Variants in SEC31A observed in about 807,000 individuals in gnomAD.
SEC31A encodes the protein SEC31 homolog A, COPII component.
In SEC31A, 70 loss-of-function variants were observed where a neutral mutation model predicts 151.0. The observed-to-expected ratio is 0.46, with a 90% CI of 0.38 to 0.57. SEC31A has a LOEUF of 0.57. Among genes scored for constraint, SEC31A ranks in the 20% least tolerant of loss-of-function variants. The pLI, the probability that SEC31A is intolerant of heterozygous loss-of-function variation, is 0.00. For synonymous variants in SEC31A, 475 were observed against 505.9 expected (o/e 0.94, Z 0.82); for missense variants, 1,330 against 1,471.2 (o/e 0.90, Z 1.57).
At chr4:82,883,044 C>T (rs1266982995) in intron 1 of SEC31A, among the ~76,000 whole-genome samples, 1 of 152,110 alleles carries the variant, frequency 6.6e-6, no homozygotes, top group African/African-American at 2.4e-5. Context: ...CACTTGAACC[C>T]AGGTGGTGAA....
intron 8 of SEC31A, among the ~76,000 whole-genome samples, chr4:82,869,207 C>T (rs191175553): frequency 1.4e-3 from 207 of 152,130 alleles, no homozygotes; most frequent in Admixed American, 2.9e-3. Flanking sequence ...GCAAGCTCCG[C>T]CTCCCAGGTT....
intron 2 of SEC31A, among the ~76,000 whole-genome samples, chr4:82,881,427 T>C (rs1739283417): frequency 6.6e-6 from 1 of 151,824 alleles, no homozygotes; most frequent in Admixed American, 6.6e-5. Context: ...ATCACGCCAC[T>C]GCATTCCAGG....
intron 21 of SEC31A, among the ~76,000 whole-genome samples, chr4:82,843,528 T>G (rs1729379055): frequency 1.3e-5 from 2 of 152,200 alleles, no homozygotes; most frequent in South Asian, 4.1e-4. Flanking sequence ...CTAGTAAAAG[T>G]GGATCTGTTT....
intron 7 of SEC31A, 105 bp from the exon 8 acceptor site, chr4:82,870,529 C>T: frequency 1.1e-6 from 1 of 892,928 alleles, no homozygotes; most frequent in Non-Finnish European, 1.8e-6. Context: ...AACAGAAATA[C>T]AATTAAATGC....
intron 4 of SEC31A, among the ~76,000 whole-genome samples, chr4:82,876,325 G>A (rs527680015): frequency 6.6e-6 from 1 of 152,156 alleles, no homozygotes; most frequent in East Asian, 1.9e-4. Flanking sequence ...GGTCAGGCTG[G>A]TCTCAAACTC....
chr4:82,898,256 G>C (rs917661365), intron 3 of SEC31A, among the ~76,000 whole-genome samples: 1 of 152,012 alleles, frequency 6.6e-6, no homozygotes, highest in Non-Finnish European at 1.5e-5. Flanking sequence ...ATAACCAAAT[G>C]ATCAGATTGA....
intron 6 of SEC31A, among the ~76,000 whole-genome samples, chr4:82,873,957 C>G (rs1366960330): frequency 1.3e-5 from 2 of 152,078 alleles, no homozygotes; most frequent in African/African-American, 2.4e-5. Context: ...ATGAAGCTTC[C>G]AGCAGGAAAA....
At chr4:82,863,431 C>G in intron 11 of SEC31A, 39 bp from the exon 12 acceptor site, 1 of 1,174,414 alleles carries the variant, frequency 8.5e-7, no homozygotes, top group Non-Finnish European at 1.2e-6. Flanking sequence ...CAAAGACCTA[C>G]ATTTAAAGGC....
Position 82,874,636 on chromosome 4 carries a change from A to ATGAT in SEC31A, c.610_613dup (p.Ile205AsnfsTer6). On this transcript the variant is annotated frameshift_variant, in exon 6 of 27. Coordinates refer to ENST00000395310, the MANE Select transcript of SEC31A (RefSeq NM_001077207.4). LOFTEE classifies it high-confidence loss of function. ...TCTGTTACTATGGTCACTGACTTTG[A>ATGAT]TGATTGGCTCATTTTTTCTAAGATC... 1.2e-6 allele frequency: 2 copies of ATGAT among 1,610,152 alleles called. No individual in the cohort carries two copies. Among genetic ancestry groups the ATGAT allele is most frequent in the Non-Finnish European group, 1.7e-6 (2 of 1,179,368 alleles).
At chr4:82,894,134 A>G (rs1719956040), upstream of SEC31A, 1 of 152,236 alleles carries the variant, frequency 6.6e-6, no homozygotes, top group African/African-American at 2.4e-5. Flanking sequence ...CACTCCCATG[A>G]TAAGCACGTT....
At chr4:82,890,797 T>G in intron 1 of SEC31A, 1 of 1,285,664 alleles carries the variant, frequency 7.8e-7, no homozygotes. Flanking sequence ...CAAACTCCAG[T>G]TACCAGCCCG....
chr4:82,876,151 C>G (rs1737901979), intron 4 of SEC31A, among the ~76,000 whole-genome samples: 1 of 140,946 alleles, frequency 7.1e-6, no homozygotes, highest in African/African-American at 2.7e-5. Context: ...GCTCTTGTTG[C>G]CCAGGCTGGA....
intron 22 of SEC31A, among the ~76,000 whole-genome samples, chr4:82,839,722 C>T (rs1728301958): frequency 1.3e-5 from 2 of 152,204 alleles, no homozygotes; most frequent in Admixed American, 1.3e-4. Context: ...ATATAGCACA[C>T]TACTAACGTG....
At position 82,819,185 on chromosome 4, in the gene SEC31A, T is replaced by G; in HGVS notation, c.3552A>C (p.Glu1184Asp). ...CTATGTGGGTATGCATGGTCAATCC[T>G]TCTGAGTAGTTTCGAGTTTCAATGC... ...ARSIETRNYS[E>D]GLTMHTHIVS... The change falls in exon 27 of 27, where the codon GAA becomes GAC. Residue 1184 changes from glutamate to aspartate, a missense_variant. Physicochemically the swap from Glu to Asp is conservative, Grantham distance 45. Coordinates refer to ENST00000395310, the MANE Select transcript of SEC31A (RefSeq NM_001077207.4). The G allele has an allele frequency of 3.1e-6, 5 of 1,612,428 alleles. No individual in the cohort carries two copies. The highest frequency in any genetic ancestry group is 4.2e-6 in the Non-Finnish European group (5 of 1,179,188).
chr4:82,868,949 G>A (rs1460586823), intron 8 of SEC31A, among the ~76,000 whole-genome samples: 1 of 152,116 alleles, frequency 6.6e-6, no homozygotes, highest in African/African-American at 2.4e-5. Flanking sequence ...ACCACAAGTG[G>A]CCCACGTGAC....
intron 21 of SEC31A, 81 bp downstream of exon 21, chr4:82,844,305 T>G: frequency 7.0e-7 from 1 of 1,427,808 alleles, no homozygotes; most frequent in African/African-American, 1.4e-5. Context: ...GATTTGACAA[T>G]GACTTTGGGG....
chr4:82,838,014 C>G (rs190633995), intron 22 of SEC31A, among the ~76,000 whole-genome samples: 122 of 152,276 alleles, frequency 8.0e-4, no homozygotes, highest in Non-Finnish European at 1.4e-3. Context: ...TAGCATGTCA[C>G]AGGTTTAAAA....
At chr4:82,838,527 G>A (rs1254140311) in intron 22 of SEC31A, among the ~76,000 whole-genome samples, 1 of 152,154 alleles carries the variant, frequency 6.6e-6, no homozygotes, top group Non-Finnish European at 1.5e-5. Flanking sequence ...ATCTTGCAAG[G>A]CCACATCCAG....
chr4:82,827,480 G>T lies in SEC31A; in HGVS notation c.3180C>A (p.Gly1060=). ...GTTGCTGTACGCCATGGAAGGGCTGGCCACCTGGAAGATGTGGCTGTGGGA... is the reference window on the plus strand; with the variant it reads ...GTTGCTGTACGCCATGGAAGGGCTGTCCACCTGGAAGATGTGGCTGTGGGA... ...SSFPQPHLPG[G]QPFHGVQQPL... Residue 1060 remains glycine (G), a synonymous_variant, in exon 24 of 27, where the codon GGC becomes GGA. Transcript: ENST00000395310. The T allele has an allele frequency of 6.2e-7, 1 of 1,614,206 alleles. No homozygotes were observed. The highest frequency in any genetic ancestry group is 8.5e-7 in the Non-Finnish European group (1 of 1,180,044).
Sources: allele counts gnomAD v4.1 joint callset (sites outside exome capture counted in the v4.1 genomes callset), GRCh38; gene constraint gnomAD v4.1.1; transcripts MANE v1.5; gene names NCBI Gene and HGNC (gene_info 2026-07-23, HGNC 2026-07-21).